The following KDM6A variants were observed in gnomAD, a reference collection of about 807,000 sequenced individuals.
The protein encoded by KDM6A is lysine-specific demethylase 6A.
KDM6A carries 11 observed loss-of-function variants against 117.6 expected under a neutral mutation model. The ratio of observed to expected loss-of-function variants is 0.09; its 90% CI spans 0.06 to 0.15. The LOEUF is 0.15. Ranked by LOEUF, KDM6A falls within the 10% of genes least tolerant of loss-of-function variation. KDM6A has a pLI of 1.00. For synonymous variants in KDM6A, 384 were observed against 396.1 expected (o/e 0.97, Z 0.36); for missense variants, 799 against 1,077.3 (o/e 0.74, Z 3.62).
At chrX:44,971,606 G>A (rs1423530803) in intron 3 of KDM6A, among the ~76,000 whole-genome samples, 1 of 111,174 alleles carries the variant, frequency 9.0e-6, no homozygotes, top group Non-Finnish European at 1.9e-5. Flanking sequence ...CCAAAGTCAG[G>A]CGAGTAAGTT....
At chrX:44,875,563 GT>G (rs535198904) in intron 2 of KDM6A, among the ~76,000 whole-genome samples, 297 of 96,496 alleles carry the variant, frequency 3.1e-3, no homozygotes, top group African/African-American at 8.0e-3. Flanking sequence ...CTGCCTTAAA[GT>G]TTTTTTTTTT....
At chrX:45,040,263 G>T (rs1431669090) in intron 8 of KDM6A, among the ~76,000 whole-genome samples, 2 of 100,298 alleles carry the variant, frequency 2.0e-5, no homozygotes, top group African/African-American at 3.7e-5. Flanking sequence ...GGCCCGGGGG[G>T]TGGGGGTGCT....
chrX:45,063,823 AG>A lies in KDM6A; in HGVS notation c.2079+8del, dbSNP rs1413514256. On this transcript the variant is annotated splice_region_variant and intron_variant, in intron 17 of 29. Coordinates refer to ENST00000611820, the MANE Select transcript of KDM6A (RefSeq NM_001291415.2). ...AACTATCTAACTCCACTCAGGTAAT[AG>A]GAGGACTAGCTTCCTTGTTGGCTTT... 1 of 1,182,841 alleles carries A rather than the reference AG, an allele frequency of 8.5e-7. No individual in the cohort carries two copies. Among genetic ancestry groups the A allele is most frequent in the East Asian group, 3.1e-5 (1 of 32,595 alleles).
intron 4 of KDM6A, among the ~76,000 whole-genome samples, chrX:44,982,802 G>T (rs748845386): frequency 8.9e-6 from 1 of 111,737 alleles, no homozygotes; most frequent in East Asian, 2.8e-4. Context: ...TATTGTACTG[G>T]TGTGGGATTA....
chrX:44,986,193 G>A (rs1324259017), intron 4 of KDM6A, among the ~76,000 whole-genome samples: 2 of 112,040 alleles, frequency 1.8e-5, no homozygotes, highest in Non-Finnish European at 3.8e-5. Flanking sequence ...TAGTTTATTT[G>A]TGTAGAGGTG....
intron 10 of KDM6A, among the ~76,000 whole-genome samples, chrX:45,054,211 T>C (rs1308175411): frequency 8.9e-6 from 1 of 111,766 alleles, no homozygotes; most frequent in African/African-American, 3.3e-5. Context: ...GAGTTACTGC[T>C]AGTTTTAAAA....
intron 10 of KDM6A, among the ~76,000 whole-genome samples, chrX:45,056,662 C>G (rs1187092192): frequency 9.0e-6 from 1 of 111,182 alleles, no homozygotes; most frequent in Non-Finnish European, 1.9e-5. Context: ...CTAGATTCAC[C>G]CAGGACTTTT....
intron 4 of KDM6A, among the ~76,000 whole-genome samples, chrX:44,998,598 T>C (rs973205778): frequency 9.0e-6 from 1 of 111,610 alleles, no homozygotes; most frequent in East Asian, 2.8e-4. Context: ...TTTTATCATA[T>C]TGTGTTTTTC....
At chrX:45,038,549 A>G (rs955146183) in intron 8 of KDM6A, among the ~76,000 whole-genome samples, 11 of 107,396 alleles carry the variant, frequency 1.0e-4, no homozygotes, top group Middle Eastern at 4.7e-3. Flanking sequence ...CAAGATTGAT[A>G]CATCTTGATT....
chrX:45,082,911 A>G, intron 23 of KDM6A, 122 bp downstream of exon 23: 1 of 514,419 alleles, frequency 1.9e-6, no homozygotes, highest in African/African-American at 2.4e-5. Context: ...GTTGACATGA[A>G]TTTAAGCTAA....
chrX:44,880,158 G>A (rs2146506430), intron 2 of KDM6A, among the ~76,000 whole-genome samples: 1 of 99,515 alleles, frequency 1.0e-5, no homozygotes, highest in Non-Finnish European at 2.0e-5. Context: ...GGGCGACAGA[G>A]CGAGACTTCA....
chrX:45,011,422 C>T (rs1173439150), intron 5 of KDM6A, among the ~76,000 whole-genome samples: 1 of 111,660 alleles, frequency 9.0e-6, no homozygotes, highest in Non-Finnish European at 1.9e-5. Context: ...AGATTGACCA[C>T]TTCTCCCTTC....
In KDM6A at chrX:45,059,400, A is replaced by G. The variant is rs753865250; in HGVS notation, c.1128A>G (p.Leu376=). The change falls in exon 12 of 30, where the codon TTA becomes TTG. Residue 376 remains leucine, a synonymous_variant. Coordinates refer to ENST00000611820, the MANE Select transcript of KDM6A (RefSeq NM_001291415.2). The part of the protein sequence containing the change: ...NQPQDAIKCY[L]NATRSKSCSN... ...CTCAGGATGCCATTAAATGCTACTT[A>G]AATGCAACTAGAAGCAAAAGTTGTA... 4 of 1,210,659 alleles carry G rather than the reference A, an allele frequency of 3.3e-6. No homozygotes were observed. In the South Asian group the frequency reaches 5.3e-5, roughly 16 times the overall value.
chrX:44,888,386 T>A (rs1054435370), intron 2 of KDM6A, among the ~76,000 whole-genome samples: 1 of 112,422 alleles, frequency 8.9e-6, no homozygotes, highest in African/African-American at 3.2e-5. Flanking sequence ...TTCACCAGTT[T>A]TGCCGTTTCT....
chrX:45,080,041 G>A (rs1413901126), intron 21 of KDM6A, among the ~76,000 whole-genome samples: 2 of 111,633 alleles, frequency 1.8e-5, no homozygotes, highest in South Asian at 3.7e-4. Flanking sequence ...CCTGCACCTT[G>A]CAGGGTATTT....
At chrX:45,029,365 C>T (rs896408675) in intron 6 of KDM6A, among the ~76,000 whole-genome samples, 5 of 110,751 alleles carry the variant, frequency 4.5e-5, no homozygotes, top group Non-Finnish European at 7.6e-5. Flanking sequence ...ACCTGGGAGG[C>T]GGAGGTTGAA....
rs1335235998 is a variant in KDM6A, at chrX:45,059,369, A to G, written c.1097A>G (p.Asn366Ser). 9 of 1,208,766 alleles carry G rather than the reference A, an allele frequency of 7.4e-6. No individual in the cohort carries two copies. Among genetic ancestry groups the G allele is most frequent in the South Asian group, 1.8e-5 (1 of 56,794 alleles). Residue 366 changes from asparagine to serine, a missense_variant, in exon 12 of 30, where the codon AAC (asparagine) becomes AGC (serine). This residue lies in a region of KDM6A where 36 missense variants were observed against 44.4 expected (regional missense o/e 0.81). Coordinates refer to ENST00000611820, the MANE Select transcript of KDM6A (RefSeq NM_001291415.2). Reference sequence around the variant, plus strand: ...CTAGGCACTCTCTATGAATCCTGCAACCAGCCTCAGGATGCCATTAAATGC... The same window carrying G: ...CTAGGCACTCTCTATGAATCCTGCAGCCAGCCTCAGGATGCCATTAAATGC... ...MDLGTLYESC[N>S]QPQDAIKCYL...
intron 4 of KDM6A, among the ~76,000 whole-genome samples, chrX:45,003,410 T>C (rs1245337736): frequency 9.4e-6 from 1 of 106,637 alleles, no homozygotes. Flanking sequence ...TTTTTTTTTT[T>C]TTTTTTAACA....
At chrX:44,938,275 G>A (rs1305258680) in intron 2 of KDM6A, among the ~76,000 whole-genome samples, 1 of 111,705 alleles carries the variant, frequency 9.0e-6, no homozygotes, top group African/African-American at 3.3e-5. Flanking sequence ...CATTCTTGAA[G>A]GGAATTAAAA....
Sources: allele counts gnomAD v4.1 joint callset (sites outside exome capture counted in the v4.1 genomes callset), GRCh38; gene constraint gnomAD v4.1.1; regional missense constraint gnomAD v4.1.1; transcripts MANE v1.5; gene names NCBI Gene and HGNC (gene_info 2026-07-23, HGNC 2026-07-21).